ABCA6: variants seen among roughly 807,000 people sequenced by gnomAD.
ABCA6 encodes the protein ATP-binding cassette sub-family A member 6.
A neutral mutation model predicts 191.2 loss-of-function variants in ABCA6; 164 were observed. The observed-to-expected ratio is 0.86, with a 90% CI of 0.76 to 0.98. ABCA6 has a LOEUF of 0.98. Ranked by LOEUF, ABCA6 falls within the 50% of genes least tolerant of loss-of-function variation. ABCA6 has a pLI of 0.00. For missense variants in ABCA6, 1,958 were observed against 1,894.1 expected, an observed-to-expected ratio of 1.03 and a Z score of -0.63; for synonymous variants, 636 against 647.7, an observed-to-expected ratio of 0.98 and a Z score of 0.27.
At chr17:69,135,100 C>T in intron 4 of ABCA6, 1 of 220,950 alleles carries the variant, frequency 4.5e-6, no homozygotes, top group Non-Finnish European at 8.8e-6. Context: ...AGGCTGGTCT[C>T]GAACTCCTGA....
chr17:69,126,492 T>C (rs544313065), intron 8 of ABCA6, among the ~76,000 whole-genome samples: 56 of 151,762 alleles, frequency 3.7e-4, no homozygotes, highest in African/African-American at 1.3e-3. Context: ...TCTACAACAA[T>C]TAAAAATTAG....
intron 14 of ABCA6, 72 bp downstream of exon 14, chr17:69,113,546 T>A: frequency 2.5e-6 from 4 of 1,599,402 alleles, no homozygotes; most frequent in Non-Finnish European, 3.4e-6. Flanking sequence ...CTCTACCACT[T>A]TTAGTGGTAA....
At chr17:69,099,667 A>G (rs1165579847) in intron 22 of ABCA6, 1 of 153,910 alleles carries the variant, frequency 6.5e-6, no homozygotes, top group East Asian at 1.9e-4. Context: ...TCTTTCTGCT[A>G]CTCCTCTGGT....
At chr17:69,079,714 G>A (rs1220185684) in intron 37 of ABCA6, among the ~76,000 whole-genome samples, 2 of 152,154 alleles carry the variant, frequency 1.3e-5, no homozygotes, top group Non-Finnish European at 2.9e-5. Flanking sequence ...ATCCACATGT[G>A]CATACTTCAC....
chr17:69,098,675 A>T (rs143955124), intron 22 of ABCA6: 13 of 151,988 alleles, frequency 8.6e-5, no homozygotes, highest in African/African-American at 2.9e-4. Context: ...ATGCTACAAC[A>T]TAGACGAACC....
intron 6 of ABCA6, among the ~76,000 whole-genome samples, chr17:69,133,188 C>T (rs1350735136): frequency 6.6e-6 from 1 of 152,120 alleles, no homozygotes; most frequent in Non-Finnish European, 1.5e-5. Context: ...GTGGCCAAAC[C>T]CCTGAACACA....
intron 18 of ABCA6, among the ~76,000 whole-genome samples, chr17:69,106,595 A>AG (rs2073310823): frequency 6.7e-6 from 1 of 149,996 alleles, no homozygotes; most frequent in Admixed American, 6.6e-5. Flanking sequence ...TCCATCTCGA[A>AG]AAAAAAAAAA....
At chr17:69,119,773 CACAA>C (rs1184068346) in intron 10 of ABCA6, among the ~76,000 whole-genome samples, 2 of 152,186 alleles carry the variant, frequency 1.3e-5, no homozygotes, top group East Asian at 3.9e-4. Context: ...TGTACATATG[CACAA>C]ACACACCTTT....
intron 17 of ABCA6, chr17:69,109,500 T>C (rs1488295806): frequency 1.3e-5 from 2 of 152,284 alleles, no homozygotes; most frequent in South Asian, 2.1e-4. Context: ...CTCTGCAAAA[T>C]AGTACATGCA....
rs2073800315 is a variant in ABCA6 at position 69,128,640 on chromosome 17, G to A, written c.1098C>T (p.Ala366=). 5 of 1,612,124 alleles carry A rather than the reference G, an allele frequency of 3.1e-6. No homozygotes were observed. Among genetic ancestry groups the A allele is most frequent in the Non-Finnish European group, 4.2e-6 (5 of 1,178,952 alleles). The change falls in exon 8 of 39, where the codon GCC becomes GCT. Residue 366 remains alanine (A), a synonymous_variant. Coordinates refer to ENST00000284425, the MANE Select transcript of ABCA6 (RefSeq NM_080284.3). ...EWILNICSPF[A]FTTGMIQIIK... ...TTACCTGAATCATTCCAGTAGTAAAGGCAAAAGGGCTACAAATATTCAAAA... is the reference window on the plus strand; with the variant it reads ...TTACCTGAATCATTCCAGTAGTAAAAGCAAAAGGGCTACAAATATTCAAAA...
chr17:69,078,884 A>T lies in ABCA6; in HGVS notation c.*89T>A. The stretch of plus-strand genomic sequence containing the variant: ...ACAAAATATACCTGATGTTAATTTT[A>T]AATGATCTTTAAAATTAAACATACT... On this transcript the variant is annotated 3_prime_UTR_variant, in exon 39 of 39. Coordinates refer to ENST00000284425, the MANE Select transcript of ABCA6 (RefSeq NM_080284.3). 2 of 737,278 alleles carry T rather than the reference A, an allele frequency of 2.7e-6. No individual in the cohort carries two copies. The highest frequency in any genetic ancestry group is 4.1e-6 in the Non-Finnish European group (2 of 487,450). The allele number at this position is 737,278 out of a possible 1,614,324, so 45.7% of individuals were successfully genotyped here.
chr17:69,100,142 A>T (rs2073144401), intron 22 of ABCA6, among the ~76,000 whole-genome samples: 1 of 152,160 alleles, frequency 6.6e-6, no homozygotes, highest in South Asian at 2.1e-4. Flanking sequence ...GAAGCAAGCT[A>T]TTGTTGCTTC....
chr17:69,093,222 A>G (rs1286134007), intron 25 of ABCA6, among the ~76,000 whole-genome samples: 1 of 152,232 alleles, frequency 6.6e-6, no homozygotes. Context: ...GGCATAAGTA[A>G]TAATAGTGAA....
chr17:69,097,144 G>A (rs1157883369), intron 23 of ABCA6, among the ~76,000 whole-genome samples: 2 of 152,164 alleles, frequency 1.3e-5, no homozygotes, highest in South Asian at 2.1e-4. Flanking sequence ...TGTAATCCCA[G>A]CACTTTGGGA....
rs763645493 is a variant in ABCA6, at chr17:69,096,287, G to A, written c.3361C>T (p.Arg1121Cys). 6.7e-5 allele frequency: 103 copies of A among 1,531,092 alleles called. No individual in the cohort carries two copies. Among genetic ancestry groups the A allele is most frequent in the African/African-American group, 2.1e-4 (15 of 71,502 alleles). The allele number at this position is 1,531,092 out of a possible 1,614,324, so 94.8% of individuals were successfully genotyped here. A position where few individuals can be genotyped will look rare whatever the true frequency, so the allele number is the denominator to read the frequency against. ...AGGCCACTGTTTTTTCTCCTTTTGC[G>A]AAAAATAAATGATATCATATATATG... is the stretch of plus-strand genomic sequence containing the variant. ...FFIYMISFIF[R>C]KRRKNSGLWS... Residue 1121 changes from arginine (R) to cysteine (C), a missense_variant, in exon 25 of 39, where the codon CGC becomes TGC. Arg to Cys is a radical substitution (Grantham distance 180, BLOSUM62 -3). Transcript: ENST00000284425.
At chr17:69,090,843 G>A (rs192267598) in intron 26 of ABCA6, among the ~76,000 whole-genome samples, 9 of 152,282 alleles carry the variant, frequency 5.9e-5, no homozygotes, top group African/African-American at 2.2e-4. Context: ...ATTTGACAAT[G>A]CCTATATTTT....
chr17:69,136,675 T>C (rs1388984633), intron 3 of ABCA6, among the ~76,000 whole-genome samples: 1 of 152,182 alleles, frequency 6.6e-6, no homozygotes, highest in Non-Finnish European at 1.5e-5. Flanking sequence ...AGTGACTCTA[T>C]TTTCAATAGC....
Position 69,079,233 on chromosome 17 carries a change from G to A in ABCA6, c.4729C>T (p.Leu1577Phe), listed in dbSNP as rs138116973. 339 of 1,608,066 alleles carry A rather than the reference G, an allele frequency of 2.1e-4. No homozygotes were observed. The African/African-American group carries it at 4.2e-3, about 20-fold the overall frequency. The stretch of plus-strand genomic sequence containing the variant: ...ACCTTCTCCAGTGTGCACTGAGAAA[G>A]GCTGTATTCTTCCAGGTTAAAGTTA... ...KHNFNLEEYS[L>F]SQCTLEKVFL... The change falls in exon 38 of 39, where the codon CTT becomes TTT. Residue 1577 changes from leucine to phenylalanine, a missense_variant. Transcript: ENST00000284425.
chr17:69,139,171 G>A (rs1239239699), intron 2 of ABCA6, among the ~76,000 whole-genome samples: 3 of 152,028 alleles, frequency 2.0e-5, no homozygotes, highest in East Asian at 1.9e-4. Flanking sequence ...CCTACAAAAC[G>A]GGAGAAAATT....
Sources: gnomAD v4.1 joint callset for allele counts (sites outside exome capture counted in the v4.1 genomes callset) on GRCh38, gnomAD v4.1.1 for gene constraint, MANE v1.5 for transcripts, NCBI Gene and HGNC (gene_info 2026-07-23, HGNC 2026-07-21) for gene names.